The following NLGN1 variants were observed in gnomAD, a reference collection of about 807,000 sequenced individuals.
NLGN1 encodes neuroligin-1.
In NLGN1, 12 loss-of-function variants were observed where a neutral mutation model predicts 65.5. The ratio of observed to expected loss-of-function variants is 0.18; its 90% confidence interval spans 0.12 to 0.30. NLGN1 has a LOEUF of 0.30. NLGN1 is among the 10% of genes least tolerant of loss of function. The pLI is 1.00. For synonymous variants in NLGN1, 350 were observed against 359.5 expected, an observed-to-expected ratio of 0.97 and a Z score of 0.30; for missense variants, 750 against 1,007.1, an observed-to-expected ratio of 0.74 and a Z score of 3.46.
At chr3:173,976,317 C>A (rs2152384073) in intron 4 of NLGN1, among the ~76,000 whole-genome samples, 1 of 152,154 alleles carries the variant, frequency 6.6e-6, no homozygotes, top group East Asian at 1.9e-4. Context: ...GTACAAGATT[C>A]CATTCTATAC....
rs561685282 is a variant in NLGN1 at position 174,186,924 on chromosome 3, A to G, written c.647-88391A>G. Among the ~76,000 whole-genome samples, 8 of 151,978 alleles carry G rather than the reference A, an allele frequency of 5.3e-5. No homozygotes were observed. The South Asian group carries it at 8.3e-4, about 16-fold the overall frequency. Reference sequence around the variant, plus strand: ...TATCCCTCCATATCTGAGTGGGATTAGTTCTAGAACTCCCTCCAGATACTA... The same window carrying G: ...TATCCCTCCATATCTGAGTGGGATTGGTTCTAGAACTCCCTCCAGATACTA... On this transcript the variant is annotated intron_variant, in intron 4 of 6. Coordinates refer to ENST00000457714, the Ensembl canonical transcript of NLGN1.
chr3:174,166,383 T>A (rs1727497504), intron 4 of NLGN1, among the ~76,000 whole-genome samples: 1 of 152,094 alleles, frequency 6.6e-6, no homozygotes, highest in African/African-American at 2.4e-5. Context: ...GACCTTTTGG[T>A]ATGTTGTGTC....
intron 4 of NLGN1, among the ~76,000 whole-genome samples, chr3:173,955,695 C>G (rs918439032): frequency 6.6e-6 from 1 of 152,064 alleles, no homozygotes; most frequent in Non-Finnish European, 1.5e-5. Flanking sequence ...TTGACTTAAA[C>G]TTCAGATAAA....
chr3:173,418,709 TG>T (rs1714302977), intron 1 of NLGN1, among the ~76,000 whole-genome samples: 1 of 152,244 alleles, frequency 6.6e-6, no homozygotes, highest in Admixed American at 6.5e-5. Context: ...TATAGATCTT[TG>T]TTACTGTTTC....
In NLGN1 at chr3:174,279,285, C is replaced by A. The variant is rs888556887; in HGVS notation, c.1284C>A (p.Gly428=). 1 of 1,613,258 alleles carries A rather than the reference C, an allele frequency of 6.2e-7. No individual in the cohort carries two copies. The highest frequency in any genetic ancestry group is 1.3e-5 in the African/African-American group (1 of 74,928). ...ATAATTTATATGGATATCCTGAAGGCAAAGATGTTTTGAGAGAAACCATTA... is the reference window on the plus strand; with the variant it reads ...ATAATTTATATGGATATCCTGAAGGAAAAGATGTTTTGAGAGAAACCATTA... The change falls in exon 6 of 7, where the codon GGC becomes GGA. Residue 428 remains glycine, a synonymous_variant. Coordinates refer to ENST00000457714, the Ensembl canonical transcript of NLGN1. This position sits in a 1 kb window ranked among gnomAD's most constrained non-coding sequence, Gnocchi z 4.7.
intron 4 of NLGN1, among the ~76,000 whole-genome samples, chr3:174,045,418 A>G (rs889031713): frequency 6.6e-6 from 1 of 152,056 alleles, no homozygotes; most frequent in Admixed American, 6.5e-5. Context: ...CTCACTTACT[A>G]TCGTGAGAAC....
At chr3:174,174,523 A>T (rs1729101096) in intron 4 of NLGN1, among the ~76,000 whole-genome samples, 1 of 151,908 alleles carries the variant, frequency 6.6e-6, no homozygotes, top group Admixed American at 6.6e-5. Flanking sequence ...TCATTCTTGC[A>T]GGAGTAAGGT....
chr3:173,759,260 C>T (rs1047006590), intron 3 of NLGN1, among the ~76,000 whole-genome samples: 7 of 152,038 alleles, frequency 4.6e-5, no homozygotes, highest in African/African-American at 1.4e-4. Flanking sequence ...AACAACTCAT[C>T]ATGGAAATCC....
intron 4 of NLGN1, among the ~76,000 whole-genome samples, chr3:174,124,607 A>G (rs954190103): frequency 3.4e-5 from 5 of 146,598 alleles, no homozygotes; most frequent in East Asian, 3.9e-4. Context: ...ATACATATAT[A>G]CGTATATATA....
intron 4 of NLGN1, among the ~76,000 whole-genome samples, chr3:174,107,970 T>G (rs1297030962): frequency 6.6e-6 from 1 of 152,276 alleles, no homozygotes; most frequent in Middle Eastern, 3.4e-3. Context: ...GCCCATTTTC[T>G]AATTGAATCA....
chr3:173,747,228 A>AAT (rs1199858387), intron 3 of NLGN1, among the ~76,000 whole-genome samples: 1 of 140,036 alleles, frequency 7.1e-6, no homozygotes, highest in Admixed American at 7.6e-5. Flanking sequence ...TATATATTTA[A>AAT]ATATATATAT....
chr3:174,000,159 CT>C (rs781642430), intron 4 of NLGN1, among the ~76,000 whole-genome samples: 1 of 152,062 alleles, frequency 6.6e-6, no homozygotes, highest in Non-Finnish European at 1.5e-5. Context: ...GGTTCCTCTC[CT>C]TGTTTCTCAT....
chr3:173,538,317 G>A (rs1253922182), intron 2 of NLGN1, among the ~76,000 whole-genome samples: 2 of 152,188 alleles, frequency 1.3e-5, no homozygotes, highest in African/African-American at 2.4e-5. Flanking sequence ...AGCTGCTTCA[G>A]GGTGGTGGGA....
At chr3:173,682,289 A>G (rs1460304192) in intron 3 of NLGN1, among the ~76,000 whole-genome samples, 1 of 152,060 alleles carries the variant, frequency 6.6e-6, no homozygotes, top group Non-Finnish European at 1.5e-5. Context: ...GTCTTTGCCC[A>G]TCTATAAAGA....
chr3:173,525,230 TTTG>T (rs34726754), intron 2 of NLGN1, among the ~76,000 whole-genome samples: 63,024 of 150,200 alleles, frequency 0.42, 14,681 homozygotes, highest in East Asian at 0.83. Context: ...GGGTGGGTTT[TTTG>T]TTGTTGTTGT....
At chr3:174,064,019 G>T (rs566587075) in intron 4 of NLGN1, among the ~76,000 whole-genome samples, 2 of 152,224 alleles carry the variant, frequency 1.3e-5, no homozygotes, top group East Asian at 3.9e-4. Flanking sequence ...ACAGGAGCCT[G>T]TAATCCCAGC....
intron 4 of NLGN1, among the ~76,000 whole-genome samples, chr3:174,222,649 A>G (rs1738874380): frequency 6.6e-6 from 1 of 152,170 alleles, no homozygotes; most frequent in Non-Finnish European, 1.5e-5. Flanking sequence ...AGCTCAGTCA[A>G]TATATCTGGC....
At chr3:173,585,183 T>C (rs1055394042) in intron 2 of NLGN1, 1 of 152,134 alleles carries the variant, frequency 6.6e-6, no homozygotes, top group Non-Finnish European at 1.5e-5. Context: ...GCTAGGGAGC[T>C]ACCTAGATCG....
intron 4 of NLGN1, among the ~76,000 whole-genome samples, chr3:174,265,763 C>CTATA (rs374563161): frequency 6.9e-4 from 87 of 125,650 alleles, no homozygotes; most frequent in African/African-American, 2.3e-3. Context: ...ACTAAGAAGG[C>CTATA]TATATATATA....
Sources: allele counts gnomAD v4.1 joint callset (sites outside exome capture counted in the v4.1 genomes callset), GRCh38; gene constraint gnomAD v4.1.1; non-coding constraint Gnocchi (gnomAD v3.1); transcripts MANE v1.5; gene names NCBI Gene and HGNC (gene_info 2026-07-23, HGNC 2026-07-21).